Variants in PDE1A observed in about 807,000 individuals in gnomAD.
PDE1A encodes the protein phosphodiesterase 1A, also known as dual specificity calcium/calmodulin-dependent 3',5'-cyclic nucleotide phosphodiesterase 1A.
Under a neutral mutation model 61.7 loss-of-function variants are expected in PDE1A, and 35 were observed. The ratio of observed to expected loss-of-function variants is 0.57; its 90% CI spans 0.43 to 0.75. The LOEUF (loss-of-function observed/expected upper bound fraction) is 0.75, where lower values mean the gene tolerates loss of function less well. Among genes scored for constraint, PDE1A ranks in the 30% least tolerant of loss-of-function variants. The pLI, the probability that PDE1A is intolerant of heterozygous loss-of-function variation, is 0.00. For missense variants in PDE1A, 597 were observed against 630.6 expected, an observed-to-expected ratio of 0.95 and a Z score of 0.57; for synonymous variants, 232 against 213.2, an observed-to-expected ratio of 1.09 and a Z score of -0.77.
chr2:182,468,948 T>C (rs1219369923), intron 2 of PDE1A, among the ~76,000 whole-genome samples: 2 of 152,006 alleles, frequency 1.3e-5, no homozygotes, highest in Non-Finnish European at 2.9e-5. Context: ...AACAGTGGGC[T>C]GAAAATTTTC....
intron 2 of PDE1A, among the ~76,000 whole-genome samples, chr2:182,460,479 T>C (rs957353616): frequency 1.3e-5 from 2 of 152,164 alleles, no homozygotes; most frequent in Non-Finnish European, 2.9e-5. Flanking sequence ...GCTCAAAGAA[T>C]CCTCCTGCTT....
At chr2:182,463,338 A>G (rs1042825979) in intron 2 of PDE1A, among the ~76,000 whole-genome samples, 2 of 152,134 alleles carry the variant, frequency 1.3e-5, no homozygotes, top group African/African-American at 4.8e-5. Context: ...TAAAAAAACA[A>G]ATATGTATTG....
chr2:182,454,294 C>G (rs1324101162), intron 2 of PDE1A, among the ~76,000 whole-genome samples: 4 of 152,044 alleles, frequency 2.6e-5, no homozygotes, highest in Non-Finnish European at 5.9e-5. Flanking sequence ...GAAGAACATT[C>G]CATGCTCATG....
chr2:182,427,095 A>T, upstream of PDE1A: 1 of 852,274 alleles, frequency 1.2e-6, no homozygotes. Context: ...TTTTTCTTCA[A>T]AATAAAAGTT....
chr2:182,238,277 A>AAAAAAAAAAAAAAAG (rs1199781414), intron 3 of PDE1A, among the ~76,000 whole-genome samples: 1 of 150,698 alleles, frequency 6.6e-6, no homozygotes, highest in African/African-American at 2.5e-5. Flanking sequence ...AAAAAAAAAA[A>AAAAAAAAAAAAAAAG]AAAAAGAAAA....
intron 1 of PDE1A, among the ~76,000 whole-genome samples, chr2:182,324,180 G>A (rs925095079): frequency 6.6e-5 from 10 of 152,002 alleles, no homozygotes; most frequent in Non-Finnish European, 1.0e-4. Flanking sequence ...GATAGGAAAA[G>A]AAGTATTATT....
Position 182,403,357 on chromosome 2 carries a change from T to C in PDE1A, c.53+23221A>G, listed in dbSNP as rs367630463. On this transcript the variant is annotated intron_variant, in intron 1 of 13. Coordinates refer to ENST00000351439, the Ensembl canonical transcript of PDE1A. ...GCTCAAGCCTGTAATCCCAGCACTT[T>C]AGGAGGCCGAGGCGGGTGGATCACA... Among the ~76,000 whole-genome samples the C allele has an allele frequency of 2.2e-4, 33 of 152,036 alleles. No homozygotes were observed. The East Asian group carries it at 5.4e-3, about 25-fold the overall frequency.
At chr2:182,635,297 A>G in the PDE1A span, among the ~76,000 whole-genome samples, 2 of 152,098 alleles carry the variant, frequency 1.3e-5, no homozygotes, top group African/African-American at 4.8e-5. Flanking sequence ...TCCTTCCAAG[A>G]TAATTCCCAT....
chr2:182,286,615 T>C (rs1240933052), intron 1 of PDE1A, among the ~76,000 whole-genome samples: 1 of 152,140 alleles, frequency 6.6e-6, no homozygotes, highest in African/African-American at 2.4e-5. Flanking sequence ...ATACATGGCT[T>C]CTTCCATAGT....
chr2:182,228,747 A>G (rs1689336332), intron 6 of PDE1A, among the ~76,000 whole-genome samples: 1 of 152,100 alleles, frequency 6.6e-6, no homozygotes, highest in Admixed American at 6.6e-5. Context: ...TATTCTCTTT[A>G]GTTCAAAGGT....
chr2:182,285,785 C>A (rs1199018606), intron 1 of PDE1A, among the ~76,000 whole-genome samples: 1 of 152,058 alleles, frequency 6.6e-6, no homozygotes, highest in Non-Finnish European at 1.5e-5. Flanking sequence ...AGACTTGAGT[C>A]TAACCTGCAG....
chr2:182,538,492 A>AT, the PDE1A span, among the ~76,000 whole-genome samples: 1 of 151,732 alleles, frequency 6.6e-6, no homozygotes, highest in African/African-American at 2.4e-5. Flanking sequence ...TTTATTGTTT[A>AT]TTTTTTCTCC....
intron 3 of PDE1A, among the ~76,000 whole-genome samples, chr2:182,235,832 C>T (rs771062383): frequency 1.8e-4 from 28 of 152,136 alleles, no homozygotes; most frequent in Non-Finnish European, 3.5e-4. Context: ...CAATATTCTA[C>T]GTCTTTTATA....
At chr2:182,650,645 AG>A in the PDE1A span, among the ~76,000 whole-genome samples, 32 of 152,374 alleles carry the variant, frequency 2.1e-4, no homozygotes, top group African/African-American at 7.5e-4. Flanking sequence ...CAGTTATACA[AG>A]GTAATTAAGT....
the PDE1A span, among the ~76,000 whole-genome samples, chr2:182,556,279 T>C: frequency 0.012 from 1,897 of 152,164 alleles, 43 homozygotes; most frequent in African/African-American, 0.044. Context: ...AAAGAAAATA[T>C]GGCAATGAGG....
chr2:182,596,140 T>C, the PDE1A span, among the ~76,000 whole-genome samples: 1 of 152,214 alleles, frequency 6.6e-6, no homozygotes, highest in East Asian at 1.9e-4. Flanking sequence ...ATAAGGAGTG[T>C]TACTTAAGTC....
intron 1 of PDE1A, among the ~76,000 whole-genome samples, chr2:182,348,053 C>T (rs1698625431): frequency 1.3e-5 from 2 of 152,156 alleles, no homozygotes; most frequent in African/African-American, 2.4e-5. Context: ...AAGACTATTG[C>T]ACTTAAACTC....
intron 1 of PDE1A, among the ~76,000 whole-genome samples, chr2:182,321,282 A>G (rs2124829546): frequency 6.6e-6 from 1 of 152,304 alleles, no homozygotes; most frequent in South Asian, 2.1e-4. Context: ...TGTAGTTTCA[A>G]TTGGCATACT....
At chr2:182,264,906 C>A (rs1692520377) in intron 1 of PDE1A, among the ~76,000 whole-genome samples, 4 of 47,386 alleles carry the variant, frequency 8.4e-5, no homozygotes, top group African/African-American at 2.3e-4. Flanking sequence ...TATATATACA[C>A]CATGGAATAC....
Sources: allele counts gnomAD v4.1 joint callset (sites outside exome capture counted in the v4.1 genomes callset), GRCh38; gene constraint gnomAD v4.1.1; transcripts MANE v1.5; gene names NCBI Gene and HGNC (gene_info 2026-07-23, HGNC 2026-07-21).